The following SLC38A8 variants were observed in gnomAD, a reference collection of about 807,000 sequenced individuals.
The protein encoded by SLC38A8 is solute carrier family 38 member 8, also known as amino acid transporter SLC38A8.
Under a neutral mutation model 46.0 loss-of-function variants are expected in SLC38A8, and 65 were observed. The observed-to-expected ratio is 1.41, with a 90% CI of 1.16 to 1.74. SLC38A8 has a LOEUF of 1.74. Ranked by LOEUF, SLC38A8 falls within the 40% of genes most tolerant of loss-of-function variation. SLC38A8 has a pLI of 0.00. For synonymous variants in SLC38A8, 447 were observed against 243.7 expected, an observed-to-expected ratio of 1.83 and a Z score of -7.77; for missense variants, 998 against 567.9, an observed-to-expected ratio of 1.76 and a Z score of -7.70.
chr16:84,033,234 A>G lies in SLC38A8; in HGVS notation c.530+94T>C, dbSNP rs543128715. 3 of 1,550,496 alleles carry G rather than the reference A, an allele frequency of 1.9e-6. No individual in the cohort carries two copies. The East Asian group carries it at 6.8e-5, about 35-fold the overall frequency. ...TCCCCTTCTCCAAATGTGAAGGCCA[A>G]TTCCCCAGCTCCTCTGACCCCAGAT... On this transcript the variant is annotated intron_variant, in intron 4 of 10. Transcript: ENST00000299709.
intron 2 of SLC38A8, among the ~76,000 whole-genome samples, chr16:84,037,628 G>A (rs2085315682): frequency 6.6e-6 from 1 of 151,978 alleles, no homozygotes; most frequent in African/African-American, 2.4e-5. Context: ...AAGCATGGTG[G>A]CAGATGCCTG....
chr16:84,025,971 G>T (rs966589903), intron 6 of SLC38A8, among the ~76,000 whole-genome samples: 16 of 152,226 alleles, frequency 1.1e-4, no homozygotes, highest in African/African-American at 3.6e-4. Context: ...CACACTCTCA[G>T]GTCAGCCCTG....
At chr16:84,027,100 C>T (rs966404034) in intron 6 of SLC38A8, among the ~76,000 whole-genome samples, 1 of 152,136 alleles carries the variant, frequency 6.6e-6, no homozygotes, top group Non-Finnish European at 1.5e-5. Flanking sequence ...GCCTGTAATC[C>T]CAGCACTTTG....
chr16:84,035,503 G>C (rs2085290792), intron 3 of SLC38A8, among the ~76,000 whole-genome samples: 1 of 152,106 alleles, frequency 6.6e-6, no homozygotes, highest in South Asian at 2.1e-4. Flanking sequence ...TGTCAAGTTG[G>C]ATAAAAAAGC....
Position 84,009,683 on chromosome 16 carries a change from C to G in SLC38A8, c.*101G>C. 1 of 1,025,992 alleles carries G rather than the reference C, an allele frequency of 9.7e-7. No homozygotes were observed. The highest frequency in any genetic ancestry group is 1.4e-6 in the Non-Finnish European group (1 of 705,736). 63.6% of individuals were successfully genotyped at this position (1,025,992 alleles called of 1,614,324 possible). A position where few individuals can be genotyped will look rare whatever the true frequency, so the allele number is the denominator to read the frequency against. ...CAGAAGGCATCAGTCTCTCCAGCAT[C>G]TTTATGAGGAAAAGAAATGGCATCG... On this transcript the variant is annotated 3_prime_UTR_variant, in exon 11 of 11. Coordinates refer to ENST00000299709, the MANE Select transcript of SLC38A8 (RefSeq NM_001080442.3).
chr16:84,011,809 AG>A (rs1231864786), intron 10 of SLC38A8, among the ~76,000 whole-genome samples: 4 of 152,168 alleles, frequency 2.6e-5, no homozygotes, highest in Admixed American at 6.5e-5. Flanking sequence ...GCTTGAGCCC[AG>A]GGGGTTGAGG....
intron 3 of SLC38A8, among the ~76,000 whole-genome samples, chr16:84,036,364 G>A (rs2085299193): frequency 6.6e-6 from 1 of 152,250 alleles, no homozygotes; most frequent in African/African-American, 2.4e-5. Flanking sequence ...CAGAGCCACA[G>A]CCATTCCAAA....
Position 84,030,084 on chromosome 16 carries a change from G to C in SLC38A8, c.633-533C>G, listed in dbSNP as rs778700370. On this transcript the variant is annotated intron_variant, in intron 5 of 10. Transcript: ENST00000299709. ...AGTAAGATGAAGTCATGGTGGATTA[G>C]GGTGAGCCTGAATCCAATGCCTGCT... Among the ~76,000 whole-genome samples, 73 of 152,188 alleles carry C rather than the reference G, an allele frequency of 4.8e-4. 1 individual carries two copies. Among genetic ancestry groups the C allele is most frequent in the Non-Finnish European group, 1.6e-4 (11 of 68,036 alleles).
chr16:84,017,341 C>T, intron 7 of SLC38A8, 54 bp from the exon 8 acceptor site: 2 of 1,595,412 alleles, frequency 1.3e-6, no homozygotes, highest in East Asian at 4.5e-5. Context: ...ATGCTGCCCC[C>T]TCCCCCACCA....
At position 84,031,923 on chromosome 16, in the gene SLC38A8, G is replaced by A. The variant is rs750021897; in HGVS notation, c.576C>T (p.Thr192=). The A allele has an allele frequency of 8.1e-6, 13 of 1,614,218 alleles. No homozygotes were observed. Among genetic ancestry groups the A allele is most frequent in the South Asian group, 4.4e-5 (4 of 91,086 alleles). Reference sequence around the variant, plus strand: ...CCTGGGGCCAGAGGTAGTACTGCACGGTGATGACCAGGGCCAGGTAACAGG... The same window carrying A: ...CCTGGGGCCAGAGGTAGTACTGCACAGTGATGACCAGGGCCAGGTAACAGG... ...LAACYLALVI[T]VQYYLWPQGL... Residue 192 remains threonine (T), a synonymous_variant, in exon 5 of 11, where the codon ACC becomes ACT. Coordinates refer to ENST00000299709, the MANE Select transcript of SLC38A8 (RefSeq NM_001080442.3).
intron 10 of SLC38A8, among the ~76,000 whole-genome samples, chr16:84,010,528 G>C (rs2084941001): frequency 6.6e-6 from 1 of 151,990 alleles, no homozygotes; most frequent in African/African-American, 2.4e-5. Flanking sequence ...ATTCACCTGA[G>C]GTCATGAATT....
In SLC38A8 at chr16:84,017,342, TCCCCCA is replaced by T. The variant is rs1201894218; in HGVS notation, c.806-61_806-56del. 2.0e-4 allele frequency: 318 copies of T among 1,590,652 alleles called. No homozygotes were observed. The African/African-American group carries it at 4.1e-3, about 20-fold the overall frequency. On this transcript the variant is annotated intron_variant, in intron 7 of 10. Transcript: ENST00000299709. ...AGTGGATTAGGAAAATGCTGCCCCC[TCCCCCA>T]CCAACAGACAGACAGCGCCTGGCTT...
chr16:84,026,416 G>A (rs1295095029), intron 6 of SLC38A8, among the ~76,000 whole-genome samples: 1 of 152,292 alleles, frequency 6.6e-6, no homozygotes, highest in African/African-American at 2.4e-5. Context: ...TAGTGAAGAT[G>A]GGGTTTCACC....
rs548009369 is a variant in SLC38A8 at position 84,028,408 on chromosome 16, C to G, written c.690+1086G>C. ...CCAGCCTGGCCAACATAGTGAAACTCCCTCTGTACTAAAAATACCAAAAAA... is the reference window on the plus strand; with the variant it reads ...CCAGCCTGGCCAACATAGTGAAACTGCCTCTGTACTAAAAATACCAAAAAA... On this transcript the variant is annotated intron_variant, in intron 6 of 10. Transcript: ENST00000299709. Among the ~76,000 whole-genome samples the G allele has an allele frequency of 1.9e-3, 283 of 151,868 alleles. 2 individuals carry two copies. The highest frequency in any genetic ancestry group is 3.5e-3 in the South Asian group (17 of 4,802).
Position 84,031,878 on chromosome 16 carries a change from A to G in SLC38A8, c.621T>C (p.His207=). 1 of 1,613,986 alleles carries G rather than the reference A, an allele frequency of 6.2e-7. No individual in the cohort carries two copies. The highest frequency in any genetic ancestry group is 8.5e-7 in the Non-Finnish European group (1 of 1,179,934). Residue 207 remains histidine (H), a synonymous_variant, in exon 5 of 11, where the codon CAT becomes CAC. Transcript: ENST00000299709. The part of the protein sequence containing the change: ...LWPQGLVRES[H]PSLSPASWTS... ...TCCCTCAGACTTACCTCAGTGAAGG[A>G]TGGGACTCACGCACGAGGCCCTGGG... is the stretch of plus-strand genomic sequence containing the variant.
At chr16:84,034,119 G>A (rs1020334703) in intron 3 of SLC38A8, among the ~76,000 whole-genome samples, 1 of 152,142 alleles carries the variant, frequency 6.6e-6, no homozygotes, top group African/African-American at 2.4e-5. Flanking sequence ...GGTACACCTG[G>A]GCCTTCCCTG....
chr16:84,016,784 C>G (rs954887083), intron 8 of SLC38A8, 57 bp from the exon 9 acceptor site: 72 of 1,552,108 alleles, frequency 4.6e-5, no homozygotes, highest in Non-Finnish European at 6.1e-6. Flanking sequence ...AGCCTCCACC[C>G]GACAGCTGCT....
chr16:84,025,175 A>C (rs1312607444), intron 6 of SLC38A8, among the ~76,000 whole-genome samples: 1 of 151,954 alleles, frequency 6.6e-6, no homozygotes, highest in Non-Finnish European at 1.5e-5. Context: ...TTCCGGACAC[A>C]CTGGTGGGTT....
chr16:84,040,002 A>ATCTCAG (rs1434549092), intron 2 of SLC38A8: 1 of 152,192 alleles, frequency 6.6e-6, no homozygotes, highest in Admixed American at 6.5e-5. Flanking sequence ...AGATCAGATG[A>ATCTCAG]GATCAGGTGC....
Sources: allele counts gnomAD v4.1 joint callset (sites outside exome capture counted in the v4.1 genomes callset), GRCh38; gene constraint gnomAD v4.1.1; transcripts MANE v1.5; gene names NCBI Gene and HGNC (gene_info 2026-07-23, HGNC 2026-07-21).